VPS8: variants seen among roughly 807,000 people sequenced by gnomAD.
VPS8 encodes vacuolar protein sorting-associated protein 8 homolog.
A neutral mutation model predicts 216.4 loss-of-function variants in VPS8; 129 were observed. The ratio of observed to expected loss-of-function variants is 0.60; its 90% CI spans 0.52 to 0.69. VPS8 has a LOEUF of 0.69. Among genes scored for constraint, VPS8 ranks in the 30% least tolerant of loss-of-function variants. The probability of loss-of-function intolerance (pLI) is 0.00; values close to 1 mark genes in which losing one functional copy is unlikely to be tolerated. For missense variants in VPS8, 1,531 were observed against 1,683.5 expected, an observed-to-expected ratio of 0.91 and a Z score of 1.59; for synonymous variants, 571 against 565.4, an observed-to-expected ratio of 1.01 and a Z score of -0.14.
chr3:184,917,464 T>C (rs1017593752), intron 28 of VPS8, among the ~76,000 whole-genome samples: 3 of 152,170 alleles, frequency 2.0e-5, no homozygotes, highest in Admixed American at 2.0e-4. Flanking sequence ...AGCTTTGCTC[T>C]TGTCTCCCAG....
At chr3:184,976,309 G>A (rs1254800586) in intron 40 of VPS8, among the ~76,000 whole-genome samples, 1 of 151,406 alleles carries the variant, frequency 6.6e-6, no homozygotes, top group East Asian at 1.9e-4. Flanking sequence ...GATCATACCA[G>A]TCTTTTTGTT....
Position 184,946,362 on chromosome 3 carries a change from A to G in VPS8, c.3035+6119A>G, listed in dbSNP as rs556859895. 2.6e-5 allele frequency among the ~76,000 whole-genome samples: 4 copies of G among 152,366 alleles called. No homozygotes were observed. The East Asian group carries it at 7.7e-4, about 29-fold the overall frequency. On this transcript the variant is annotated intron_variant, in intron 36 of 47. Transcript: ENST00000625842. The stretch of plus-strand genomic sequence containing the variant: ...TGTAAATTAAATTCCACTCATGGTT[A>G]GCTTGGCCTGCGCCCAGGAATGAGC...
At chr3:184,884,633 C>G (rs541449116) in intron 21 of VPS8, among the ~76,000 whole-genome samples, 20 of 151,292 alleles carry the variant, frequency 1.3e-4, no homozygotes, top group African/African-American at 4.6e-4. Context: ...TTTTTTTTTT[C>G]TAATTTCCTT....
chr3:184,991,246 A>G (rs905863737), intron 42 of VPS8, among the ~76,000 whole-genome samples: 2 of 152,338 alleles, frequency 1.3e-5, no homozygotes, highest in African/African-American at 4.8e-5. Context: ...TTGAAAAACA[A>G]ATTTACCTGG....
At chr3:184,850,779 A>T (rs1032368389) in intron 10 of VPS8, among the ~76,000 whole-genome samples, 1 of 152,206 alleles carries the variant, frequency 6.6e-6, no homozygotes, top group Non-Finnish European at 1.5e-5. Context: ...GAGCTCTGTC[A>T]TCCGTAAGTA....
At chr3:184,827,640 C>G (rs1719070914) in intron 3 of VPS8, among the ~76,000 whole-genome samples, 1 of 152,260 alleles carries the variant, frequency 6.6e-6, no homozygotes, top group African/African-American at 2.4e-5. Context: ...GAAAATAATG[C>G]TCATGTGAAT....
intron 4 of VPS8, 84 bp downstream of exon 4, chr3:184,832,903 A>T: frequency 1.3e-6 from 2 of 1,484,910 alleles, no homozygotes; most frequent in African/African-American, 1.4e-5. Flanking sequence ...TTAAAGTACA[A>T]TATGGTCTGT....
At chr3:184,931,330 C>T (rs1299522982) in intron 34 of VPS8, among the ~76,000 whole-genome samples, 1 of 151,748 alleles carries the variant, frequency 6.6e-6, no homozygotes, top group Non-Finnish European at 1.5e-5. Flanking sequence ...AGAGGTAATC[C>T]TCTTTTGGAA....
At chr3:184,986,522 T>TC (rs1294738768) in intron 42 of VPS8, among the ~76,000 whole-genome samples, 1 of 152,108 alleles carries the variant, frequency 6.6e-6, no homozygotes, top group Non-Finnish European at 1.5e-5. Flanking sequence ...CTGATGGTAT[T>TC]CCCCGTGCTC....
chr3:184,817,438 C>T (rs1046975004), intron 1 of VPS8: 1 of 152,098 alleles, frequency 6.6e-6, no homozygotes, highest in Non-Finnish European at 1.5e-5. Flanking sequence ...GAAATCATTA[C>T]AATGTGGTAA....
chr3:184,926,737 A>T, intron 31 of VPS8, 87 bp downstream of exon 31: 1 of 1,280,630 alleles, frequency 7.8e-7, no homozygotes, highest in Admixed American at 2.6e-5. Flanking sequence ...CTCACTACAC[A>T]TGAGGGGCAA....
intron 31 of VPS8, 126 bp downstream of exon 31, chr3:184,926,776 TAG>T (rs1254249514): frequency 6.6e-6 from 6 of 908,782 alleles, no homozygotes; most frequent in African/African-American, 1.7e-5. Flanking sequence ...AATACGAAGT[TAG>T]AGTCAGTGGG....
intron 13 of VPS8, among the ~76,000 whole-genome samples, chr3:184,854,556 C>A (rs770613264): frequency 1.3e-5 from 2 of 152,148 alleles, no homozygotes; most frequent in Non-Finnish European, 2.9e-5. Flanking sequence ...CTTCTGAGTG[C>A]AGTAAAATTC....
intron 14 of VPS8, among the ~76,000 whole-genome samples, chr3:184,858,202 T>C (rs1220102729): frequency 6.6e-6 from 1 of 152,182 alleles, no homozygotes; most frequent in African/African-American, 2.4e-5. Flanking sequence ...AAGCAAATTA[T>C]AAGGATGACT....
At chr3:184,875,682 G>T (rs575054493) in intron 21 of VPS8, among the ~76,000 whole-genome samples, 55 of 152,076 alleles carry the variant, frequency 3.6e-4, no homozygotes, top group Admixed American at 1.2e-3. Context: ...TATAGAGCCA[G>T]ACATCTTACA....
chr3:184,869,870 C>T (rs895236528), intron 20 of VPS8, among the ~76,000 whole-genome samples: 30 of 152,270 alleles, frequency 2.0e-4, no homozygotes, highest in African/African-American at 5.8e-4. Flanking sequence ...GCCTGGGCAA[C>T]AGAGTGAGAC....
intron 23 of VPS8, among the ~76,000 whole-genome samples, chr3:184,896,629 C>A (rs1733537633): frequency 6.6e-6 from 1 of 152,198 alleles, no homozygotes; most frequent in South Asian, 2.1e-4. Context: ...TTTATTTACT[C>A]TTTTAACAGC....
At chr3:184,922,535 G>A (rs1738816715) in intron 29 of VPS8, 1 of 397,436 alleles carries the variant, frequency 2.5e-6, no homozygotes, top group South Asian at 1.9e-5. Context: ...AGTTGGAAGA[G>A]TGATCCAAAT....
chr3:184,848,166 G>C (rs556150733), intron 8 of VPS8, among the ~76,000 whole-genome samples: 1 of 152,146 alleles, frequency 6.6e-6, no homozygotes, highest in Admixed American at 6.5e-5. Flanking sequence ...CCCTTCCTCA[G>C]CCTCCCAAAG....
Sources: allele counts gnomAD v4.1 joint callset (sites outside exome capture counted in the v4.1 genomes callset), GRCh38; gene constraint gnomAD v4.1.1; transcripts MANE v1.5; gene names NCBI Gene and HGNC (gene_info 2026-07-23, HGNC 2026-07-21).